KDM6A: variants seen among roughly 807,000 people sequenced by gnomAD.
KDM6A encodes lysine demethylase 6A.
Under a neutral mutation model 117.6 loss-of-function variants are expected in KDM6A, and 11 were observed. That is an observed-to-expected ratio of 0.09 (90% CI 0.06 to 0.15). The LOEUF (loss-of-function observed/expected upper bound fraction) is 0.15. KDM6A is among the 10% of genes least tolerant of loss of function. The pLI is 1.00. For missense variants in KDM6A, 799 were observed against 1,077.3 expected (o/e 0.74, Z 3.62); for synonymous variants, 384 against 396.1 (o/e 0.97, Z 0.36).
At chrX:44,893,124 G>A (rs1035345287) in intron 2 of KDM6A, among the ~76,000 whole-genome samples, 1 of 110,140 alleles carries the variant, frequency 9.1e-6, no homozygotes, top group Non-Finnish European at 1.9e-5. Context: ...GCAGAGAGCC[G>A]AGATCGCACC....
At chrX:44,958,478 G>A (rs897186257) in intron 2 of KDM6A, among the ~76,000 whole-genome samples, 9 of 109,847 alleles carry the variant, frequency 8.2e-5, no homozygotes, top group Admixed American at 9.7e-5. Flanking sequence ...CACCACGCCC[G>A]GCCCTTTTAA....
In KDM6A at chrX:45,059,109, GC is replaced by G. The variant is rs1345926795; in HGVS notation, c.974+7del. ...AGATACATGGTGTTCAATAGGGTAAGCCTTTGTATAAAAATAGTAGTAATTT... is the reference window on the plus strand; with the variant it reads ...AGATACATGGTGTTCAATAGGGTAAGCTTTGTATAAAAATAGTAGTAATTT... On this transcript the variant is annotated splice_donor_region_variant and intron_variant, in intron 11 of 29. Transcript: ENST00000611820. The G allele has an allele frequency of 8.3e-7, 1 of 1,198,212 alleles. No individual in the cohort carries two copies. The highest frequency in any genetic ancestry group is 3.0e-5 in the East Asian group (1 of 33,693).
intron 21 of KDM6A, among the ~76,000 whole-genome samples, chrX:45,079,980 C>T (rs1428697527): frequency 9.0e-6 from 1 of 111,710 alleles, no homozygotes; most frequent in Non-Finnish European, 1.9e-5. Context: ...TTCTTAACTT[C>T]GATACTATTG....
chrX:45,045,062 A>T (rs965328049), intron 8 of KDM6A, among the ~76,000 whole-genome samples: 1 of 112,004 alleles, frequency 8.9e-6, no homozygotes, highest in African/African-American at 3.2e-5. Context: ...TGTAGGGTTT[A>T]TTTCATGAAT....
intron 3 of KDM6A, among the ~76,000 whole-genome samples, chrX:44,973,750 T>C: frequency 9.0e-6 from 1 of 111,334 alleles, no homozygotes; most frequent in East Asian, 2.8e-4. Context: ...TTTCTAATTT[T>C]CTGTTTTTGT....
chrX:44,873,330 C>T lies in KDM6A; in HGVS notation c.-222C>T. 1 of 451,341 alleles carries T rather than the reference C, an allele frequency of 2.2e-6. No homozygotes were observed. Among genetic ancestry groups the T allele is most frequent in the Non-Finnish European group, 3.7e-6 (1 of 271,804 alleles). The allele number at this position is 451,341 out of a possible 1,213,427, so 37.2% of individuals were successfully genotyped here. A position where few individuals can be genotyped will look rare whatever the true frequency, so the allele number is the denominator to read the frequency against. Reference sequence around the variant, plus strand: ...CAACCCCGCGATGTGACCCTACAGCCGAAAGCCGCCGCTGCCGACCCGGGG... The same window carrying T: ...CAACCCCGCGATGTGACCCTACAGCTGAAAGCCGCCGCTGCCGACCCGGGG... On this transcript the variant is annotated 5_prime_UTR_variant, in exon 1 of 30. Transcript: ENST00000611820.
At chrX:45,009,943 G>C (rs1478276287) in intron 4 of KDM6A, among the ~76,000 whole-genome samples, 1 of 111,891 alleles carries the variant, frequency 8.9e-6, no homozygotes, top group Non-Finnish European at 1.9e-5. Context: ...TCTTTCTTGG[G>C]AGATGCAACG....
chrX:44,912,869 GAATTAATACAT>G (rs1219853470), intron 2 of KDM6A, among the ~76,000 whole-genome samples: 2 of 112,282 alleles, frequency 1.8e-5, no homozygotes, highest in African/African-American at 6.5e-5. Flanking sequence ...ACCTGGAGGT[GAATTAATACAT>G]GATTGTGCTA....
Position 45,020,650 on chromosome X carries a change from A to G in KDM6A, c.484A>G (p.Ser162Gly). The change falls in exon 6 of 30, where the codon AGC becomes GGC. Residue 162 changes from serine (S) to glycine (G), a missense_variant. This residue lies in a region of KDM6A where 2 missense variants were observed against 19.5 expected (regional missense o/e 0.10). Coordinates refer to ENST00000611820, the MANE Select transcript of KDM6A (RefSeq NM_001291415.2). ...TCAGGAGGTGCTTTATGTTGATCCC[A>G]GCTTTTGTCGAGCCAAGGAAATTCA... The part of the protein sequence containing the change: ...AFQEVLYVDP[S>G]FCRAKEIHLR... 1 of 1,209,451 alleles carries G rather than the reference A, an allele frequency of 8.3e-7. No homozygotes were observed. The highest frequency in any genetic ancestry group is 1.1e-6 in the Non-Finnish European group (1 of 893,368).
chrX:45,073,067 C>A (rs1259945970), intron 18 of KDM6A, among the ~76,000 whole-genome samples: 1 of 109,539 alleles, frequency 9.1e-6, no homozygotes, highest in Non-Finnish European at 1.9e-5. Flanking sequence ...GTTCCTCACC[C>A]TGTGTCCATG....
At chrX:45,042,340 G>A (rs1205616781) in intron 8 of KDM6A, among the ~76,000 whole-genome samples, 1 of 101,259 alleles carries the variant, frequency 9.9e-6, no homozygotes, top group Non-Finnish European at 2.0e-5. Context: ...TACTGATTCA[G>A]ATTAAACAAA....
At chrX:44,879,096 C>T (rs1485854453) in intron 2 of KDM6A, among the ~76,000 whole-genome samples, 1 of 112,043 alleles carries the variant, frequency 8.9e-6, no homozygotes, top group African/African-American at 3.2e-5. Context: ...AGGTCATGCA[C>T]TTTAAACCAA....
intron 23 of KDM6A, 68 bp downstream of exon 23, chrX:45,082,857 T>C: frequency 1.4e-6 from 1 of 696,532 alleles, no homozygotes; most frequent in Non-Finnish European, 2.3e-6. Flanking sequence ...TTGGGAATTC[T>C]CTACAATTTC....
chrX:44,988,765 T>C (rs1251428794), intron 4 of KDM6A, among the ~76,000 whole-genome samples: 1 of 110,824 alleles, frequency 9.0e-6, no homozygotes, highest in African/African-American at 3.3e-5. Context: ...ATCGTTCCTC[T>C]GGAAGTTTTG....
chrX:45,068,393 C>T (rs574618504), intron 17 of KDM6A, among the ~76,000 whole-genome samples: 6 of 110,605 alleles, frequency 5.4e-5, no homozygotes, highest in Non-Finnish European at 7.6e-5. Context: ...CCTAAGTGAT[C>T]TTCCTCTAGT....
At chrX:44,895,315 G>T (rs1470742260) in intron 2 of KDM6A, among the ~76,000 whole-genome samples, 2 of 107,070 alleles carry the variant, frequency 1.9e-5, no homozygotes, top group Non-Finnish European at 3.8e-5. Flanking sequence ...GGGTTTCACC[G>T]CGTTAGCCGG....
chrX:45,087,856 C>T (rs950975470), intron 25 of KDM6A, among the ~76,000 whole-genome samples: 8 of 111,817 alleles, frequency 7.2e-5, no homozygotes, highest in African/African-American at 2.6e-4. Context: ...AATCTAATAA[C>T]TCAGTTGTGA....
At chrX:45,012,383 A>G (rs1165491365) in intron 5 of KDM6A, among the ~76,000 whole-genome samples, 1 of 108,427 alleles carries the variant, frequency 9.2e-6, no homozygotes, top group Non-Finnish European at 1.9e-5. Flanking sequence ...TTGTATTTTT[A>G]GTAGAGACGG....
intron 2 of KDM6A, among the ~76,000 whole-genome samples, chrX:44,922,147 A>G (rs144251654): frequency 0.027 from 2,599 of 96,438 alleles, 93 homozygotes; most frequent in African/African-American, 0.096. Flanking sequence ...GGTTTAAGCA[A>G]TTCTCCTGCC....
Sources: allele counts gnomAD v4.1 joint callset (sites outside exome capture counted in the v4.1 genomes callset), GRCh38; gene constraint gnomAD v4.1.1; regional missense constraint gnomAD v4.1.1; transcripts MANE v1.5; gene names NCBI Gene and HGNC (gene_info 2026-07-23, HGNC 2026-07-21).